Variants in SSBP2 observed in about 807,000 individuals in gnomAD.
SSBP2 encodes single-stranded DNA-binding protein 2.
Under a neutral mutation model 61.8 loss-of-function variants are expected in SSBP2, and 17 were observed. The ratio of observed to expected loss-of-function variants is 0.28; its 90% CI spans 0.19 to 0.41. The LOEUF is 0.41. SSBP2 is among the 10% of genes least tolerant of loss of function. The pLI, the probability that SSBP2 is intolerant of heterozygous loss-of-function variation, is 1.00. For missense variants in SSBP2, 310 were observed against 458.7 expected, an observed-to-expected ratio of 0.68 and a Z score of 2.96; for synonymous variants, 139 against 141.3, an observed-to-expected ratio of 0.98 and a Z score of 0.12.
At chr5:81,473,034 C>T (rs1198632069) in intron 8 of SSBP2, among the ~76,000 whole-genome samples, 1 of 152,164 alleles carries the variant, frequency 6.6e-6, no homozygotes, top group Non-Finnish European at 1.5e-5. Context: ...TAAATGACAG[C>T]ACACTGTTAA....
intron 1 of SSBP2, among the ~76,000 whole-genome samples, chr5:81,663,971 C>CA (rs1373983995): frequency 6.6e-6 from 1 of 152,116 alleles, no homozygotes; most frequent in African/African-American, 2.4e-5. Context: ...TGAGTTAATT[C>CA]ACTATATGTG....
At position 81,720,590 on chromosome 5, in the gene SSBP2, A is replaced by G. The variant is rs116659089; in HGVS notation, c.62+30391T>C. 8.6e-3 allele frequency among the ~76,000 whole-genome samples: 1,317 copies of G among 152,330 alleles called. 16 individuals are homozygous for G. The highest frequency in any genetic ancestry group is 0.029 in the African/African-American group (1,221 of 41,572). ...ACAAAAATAATGCTTCAAGATTTCA[A>G]AGACATCACTAGTGTTTATCACCTT... On this transcript the variant is annotated intron_variant, in intron 1 of 16. Coordinates refer to ENST00000320672, the MANE Select transcript of SSBP2 (RefSeq NM_012446.5).
intron 1 of SSBP2, among the ~76,000 whole-genome samples, chr5:81,673,933 TAA>T (rs969583159): frequency 7.9e-5 from 12 of 152,232 alleles, no homozygotes; most frequent in African/African-American, 2.6e-4. Context: ...AATGAAAGTG[TAA>T]AAATACAGGT....
At chr5:81,443,942 C>G (rs890462649) in intron 12 of SSBP2, among the ~76,000 whole-genome samples, 1 of 152,190 alleles carries the variant, frequency 6.6e-6, no homozygotes, top group Non-Finnish European at 1.5e-5. Context: ...TTTACTTTCT[C>G]ATGGCAGTAA....
intron 3 of SSBP2, among the ~76,000 whole-genome samples, chr5:81,623,268 G>A (rs1746796477): frequency 6.7e-6 from 1 of 150,204 alleles, no homozygotes; most frequent in Admixed American, 6.6e-5. Context: ...TTCCACTCAA[G>A]TAACAGAAGA....
At chr5:81,461,575 T>A (rs1206834685) in intron 9 of SSBP2, among the ~76,000 whole-genome samples, 2 of 143,278 alleles carry the variant, frequency 1.4e-5, no homozygotes, top group Non-Finnish European at 3.1e-5. Flanking sequence ...ATATAAAAGG[T>A]ATCTAAAGTT....
chr5:81,451,378 A>G (rs978887184), intron 10 of SSBP2, among the ~76,000 whole-genome samples: 5 of 151,472 alleles, frequency 3.3e-5, no homozygotes, highest in African/African-American at 1.2e-4. Context: ...TTTCTCAACT[A>G]TCTCATTCTT....
Position 81,501,252 on chromosome 5 carries a change from TATATATATATATATATAC to T in SSBP2, c.373-11961_373-11944del, listed in dbSNP as rs1326988926. Among the ~76,000 whole-genome samples the T allele has an allele frequency of 1.6e-3, 90 of 55,930 alleles. 12 individuals are homozygous for T. The highest frequency in any genetic ancestry group is 8.3e-3 in the African/African-American group (62 of 7,476). 36.7% of individuals were successfully genotyped at this position (55,930 alleles called of 152,430 possible). On this transcript the variant is annotated intron_variant, in intron 5 of 16. Coordinates refer to ENST00000320672, the MANE Select transcript of SSBP2 (RefSeq NM_012446.5). ...ATATATATATATATATATATATATA[TATATATATATATATATAC>T]ACACACACACACATGCACATACACC...
chr5:81,661,600 T>C (rs1279591395), intron 1 of SSBP2, among the ~76,000 whole-genome samples: 1 of 152,202 alleles, frequency 6.6e-6, no homozygotes, highest in Non-Finnish European at 1.5e-5. Flanking sequence ...TGATAATTAG[T>C]GACACTGAGC....
intron 1 of SSBP2, among the ~76,000 whole-genome samples, chr5:81,664,042 TTGAAA>T (rs2153749641): frequency 6.6e-6 from 1 of 152,336 alleles, no homozygotes; most frequent in African/African-American, 2.4e-5. Context: ...CTAATTTCTC[TTGAAA>T]TTAAACTACT....
In SSBP2 at chr5:81,489,324, CAAAT is replaced by C. The variant is rs1561461364; in HGVS notation, c.373-19_373-16del. On this transcript the variant is annotated splice_polypyrimidine_tract_variant and intron_variant, in intron 5 of 16. Transcript: ENST00000320672. ...GACATAAAAGGCTATTGAAGTAAAA[CAAAT>C]AAACAAACAAAACAAAAAACAGTAC... is the stretch of plus-strand genomic sequence containing the variant. 6.3e-7 allele frequency: 1 copy of C among 1,592,186 alleles called. No individual in the cohort carries two copies. Among genetic ancestry groups the C allele is most frequent in the Non-Finnish European group, 8.5e-7 (1 of 1,173,532 alleles).
intron 1 of SSBP2, among the ~76,000 whole-genome samples, chr5:81,659,192 AG>A (rs1358099891): frequency 1.6e-4 from 25 of 152,180 alleles, no homozygotes; most frequent in African/African-American, 5.8e-4. Flanking sequence ...AAAGAAATAA[AG>A]GGTATTAAAA....
rs1165742425 is a variant in SSBP2 at position 81,419,320 on chromosome 5, T to C, written c.*1184A>G. ...AGGCTCCCTGGCCAGTGAGAACCAA[T>C]ACCAGTCAATTCTGCTGGTAGCAAG... On this transcript the variant is annotated 3_prime_UTR_variant, in exon 17 of 17. Coordinates refer to ENST00000320672, the MANE Select transcript of SSBP2 (RefSeq NM_012446.5). 6.6e-6 allele frequency: 1 copy of C among 152,204 alleles called. No individual in the cohort carries two copies. Among genetic ancestry groups the C allele is most frequent in the Non-Finnish European group, 1.5e-5 (1 of 68,044 alleles). 9.4% of individuals were successfully genotyped at this position (152,204 alleles called of 1,614,324 possible). A position where few individuals can be genotyped will look rare whatever the true frequency, so the allele number is the denominator to read the frequency against.
intron 16 of SSBP2, among the ~76,000 whole-genome samples, chr5:81,423,600 C>T (rs1350511125): frequency 6.6e-6 from 1 of 152,014 alleles, no homozygotes; most frequent in Non-Finnish European, 1.5e-5. Flanking sequence ...AAAAAGTTAG[C>T]CAGGCGAGGT....
intron 16 of SSBP2, among the ~76,000 whole-genome samples, chr5:81,424,296 C>T (rs1019375520): frequency 5.3e-5 from 8 of 151,824 alleles, no homozygotes; most frequent in African/African-American, 9.7e-5. Context: ...TGGTGGCACA[C>T]GCCTGTAATC....
intron 4 of SSBP2, among the ~76,000 whole-genome samples, chr5:81,597,608 T>C (rs1016667276): frequency 6.6e-6 from 1 of 152,150 alleles, no homozygotes; most frequent in African/African-American, 2.4e-5. Flanking sequence ...GGAACCAACC[T>C]AAATGTCCAA....
At position 81,433,582 on chromosome 5, in the gene SSBP2, GA is replaced by G. The variant is rs1580669133; in HGVS notation, c.957+3847del. Among the ~76,000 whole-genome samples, 3 of 116,688 alleles carry G rather than the reference GA, an allele frequency of 2.6e-5. No individual in the cohort carries two copies. The East Asian group carries it at 7.1e-4, about 28-fold the overall frequency. 76.6% of individuals were successfully genotyped at this position (116,688 alleles called of 152,430 possible). The stretch of plus-strand genomic sequence containing the variant: ...ATCCCCCTCCGCGAGAAACACCCAA[GA>G]ATGATCAATAAAAAAAAAAAAAAAA... On this transcript the variant is annotated intron_variant, in intron 15 of 16. Coordinates refer to ENST00000320672, the MANE Select transcript of SSBP2 (RefSeq NM_012446.5).
At position 81,440,644 on chromosome 5, in the gene SSBP2, A is replaced by G. The variant is rs756345816; in HGVS notation, c.850-8T>C. Reference sequence around the variant, plus strand: ...CCCAGGACCCATTGGAAACTATTTTAAAAATGAAGAAAATCACTGTAATCA... The same window carrying G: ...CCCAGGACCCATTGGAAACTATTTTGAAAATGAAGAAAATCACTGTAATCA... On this transcript the variant is annotated splice_region_variant and splice_polypyrimidine_tract_variant and intron_variant, in intron 13 of 16. Coordinates refer to ENST00000320672, the MANE Select transcript of SSBP2 (RefSeq NM_012446.5). 2 of 1,577,114 alleles carry G rather than the reference A, an allele frequency of 1.3e-6. No homozygotes were observed. The highest frequency in any genetic ancestry group is 1.7e-6 in the Non-Finnish European group (2 of 1,160,544).
chr5:81,649,184 CCTCATCAGTAAAACGGAA>C (rs1749523198), intron 2 of SSBP2, among the ~76,000 whole-genome samples: 3 of 152,060 alleles, frequency 2.0e-5, no homozygotes, highest in Non-Finnish European at 4.4e-5. Flanking sequence ...GCCTTGTTGT[CCTCATCAGTAAAACGGAA>C]AGAATATAAC....
Sources: allele counts gnomAD v4.1 joint callset (sites outside exome capture counted in the v4.1 genomes callset), GRCh38; gene constraint gnomAD v4.1.1; transcripts MANE v1.5; gene names NCBI Gene and HGNC (gene_info 2026-07-23, HGNC 2026-07-21).